The following LYRM4 variants were observed in gnomAD, a reference collection of about 807,000 sequenced individuals.
LYRM4 encodes the protein LYR motif containing 4.
Under a neutral mutation model 11.7 loss-of-function variants are expected in LYRM4, and 9 were observed. The ratio of observed to expected loss-of-function variants is 0.77; its 90% CI spans 0.46 to 1.34. The LOEUF (loss-of-function observed/expected upper bound fraction) is 1.34, where lower values mean the gene tolerates loss of function less well. Ranked by LOEUF, LYRM4 falls within the 40% of genes most tolerant of loss-of-function variation. The pLI, the probability that LYRM4 is intolerant of heterozygous loss-of-function variation, is 0.00. For missense variants in LYRM4, 133 were observed against 112.5 expected (o/e 1.18, Z -0.82); for synonymous variants, 42 against 40.4 (o/e 1.04, Z -0.15).
At chr6:5,155,754 C>T (rs1304000048) in intron 2 of LYRM4, among the ~76,000 whole-genome samples, 9 of 152,176 alleles carry the variant, frequency 5.9e-5, no homozygotes, top group African/African-American at 2.2e-4. Context: ...TGAAGGCTCA[C>T]ATGTTAATGT....
At chr6:5,133,788 C>T (rs1458925995) in intron 2 of LYRM4, among the ~76,000 whole-genome samples, 1 of 152,176 alleles carries the variant, frequency 6.6e-6, no homozygotes, top group African/African-American at 2.4e-5. Context: ...ATTTTCCCAG[C>T]CTCTGGCAAC....
the LYRM4 span, among the ~76,000 whole-genome samples, chr6:5,079,316 C>G: frequency 6.6e-6 from 1 of 152,192 alleles, no homozygotes; most frequent in Non-Finnish European, 1.5e-5. Context: ...TTTGTTTACA[C>G]AGATTCATCT....
chr6:5,042,158 A>G, the LYRM4 span, among the ~76,000 whole-genome samples: 3 of 152,210 alleles, frequency 2.0e-5, no homozygotes, highest in Admixed American at 6.5e-5. Context: ...TAATTGCGCA[A>G]TTCTGCTGTT....
In LYRM4 at chr6:5,129,143, G is replaced by A. The variant is rs983718086; in HGVS notation, c.208-19652C>T. ...CTTGATGGTGTGATCTTCGGACTGC[G>A]TCTACCTGCTCCCGCACTCAGCTGG... On this transcript the variant is annotated intron_variant, in intron 2 of 2. Coordinates refer to ENST00000330636, the MANE Select transcript of LYRM4 (RefSeq NM_020408.6). Among the ~76,000 whole-genome samples the A allele has an allele frequency of 7.2e-5, 11 of 152,208 alleles. No individual in the cohort carries two copies. The South Asian group carries it at 8.3e-4, about 11-fold the overall frequency.
At chr6:5,225,568 T>C (rs1381775313) in intron 1 of LYRM4, among the ~76,000 whole-genome samples, 1 of 152,236 alleles carries the variant, frequency 6.6e-6, no homozygotes, top group African/African-American at 2.4e-5. Context: ...AATGGTTATA[T>C]ACTATTGTAT....
At chr6:5,078,412 G>A in the LYRM4 span, among the ~76,000 whole-genome samples, 1 of 152,042 alleles carries the variant, frequency 6.6e-6, no homozygotes, top group Non-Finnish European at 1.5e-5. Flanking sequence ...CAGCCTCTAA[G>A]ACCTGTTGTT....
chr6:5,168,130 A>T (rs1759199543), intron 2 of LYRM4, among the ~76,000 whole-genome samples: 1 of 151,858 alleles, frequency 6.6e-6, no homozygotes, highest in African/African-American at 2.4e-5. Flanking sequence ...AACAAAAAAC[A>T]GTGGGAGAAG....
chr6:5,199,260 T>A (rs1191942788), intron 2 of LYRM4, among the ~76,000 whole-genome samples: 1 of 152,220 alleles, frequency 6.6e-6, no homozygotes, highest in Non-Finnish European at 1.5e-5. Flanking sequence ...ACAACATGGA[T>A]GAACCTTGCA....
chr6:5,194,185 A>G (rs912333516), intron 2 of LYRM4, among the ~76,000 whole-genome samples: 1 of 152,112 alleles, frequency 6.6e-6, no homozygotes. Flanking sequence ...CATACGCTCC[A>G]TTTGGGGATT....
At chr6:5,059,738 C>G in the LYRM4 span, among the ~76,000 whole-genome samples, 1 of 152,176 alleles carries the variant, frequency 6.6e-6, no homozygotes, top group Admixed American at 6.5e-5. Context: ...CATCTGTACC[C>G]CATTGCATGG....
intron 2 of LYRM4, among the ~76,000 whole-genome samples, chr6:5,127,556 C>T (rs1484067752): frequency 6.6e-6 from 1 of 152,028 alleles, no homozygotes; most frequent in Non-Finnish European, 1.5e-5. Context: ...TATGGCTGGT[C>T]CAAACAGAGA....
chr6:5,082,269 C>T, the LYRM4 span, among the ~76,000 whole-genome samples: 1 of 152,154 alleles, frequency 6.6e-6, no homozygotes, highest in African/African-American at 2.4e-5. Flanking sequence ...ACACTAGCTC[C>T]AGGTAGATAA....
intron 2 of LYRM4, among the ~76,000 whole-genome samples, chr6:5,147,219 T>A (rs1346411216): frequency 6.6e-6 from 1 of 152,208 alleles, no homozygotes; most frequent in Non-Finnish European, 1.5e-5. Context: ...AACCTGTATT[T>A]ATGTTTGATA....
chr6:5,195,977 T>C (rs949785990), intron 2 of LYRM4, among the ~76,000 whole-genome samples: 2 of 152,198 alleles, frequency 1.3e-5, no homozygotes, highest in Non-Finnish European at 2.9e-5. Context: ...ACCCTTATAT[T>C]GCACTTAGTA....
chr6:5,112,706 G>C (rs551016724), intron 2 of LYRM4, among the ~76,000 whole-genome samples: 3 of 152,124 alleles, frequency 2.0e-5, no homozygotes, highest in African/African-American at 7.2e-5. Context: ...GCTAGCATGA[G>C]GAGGGCACGC....
At chr6:5,231,051 T>C (rs992568974) in intron 1 of LYRM4, among the ~76,000 whole-genome samples, 4 of 152,300 alleles carry the variant, frequency 2.6e-5, no homozygotes, top group East Asian at 1.9e-4. Context: ...CTAAGGTAGA[T>C]GGATCATTTG....
At chr6:5,084,477 G>C in the LYRM4 span, 4 of 152,052 alleles carry the variant, frequency 2.6e-5, no homozygotes, top group Admixed American at 1.3e-4. Flanking sequence ...GGCCCCACGG[G>C]GCCCCCTCTC....
chr6:5,078,063 A>G, the LYRM4 span, among the ~76,000 whole-genome samples: 1 of 152,234 alleles, frequency 6.6e-6, no homozygotes, highest in African/African-American at 2.4e-5. Flanking sequence ...CAATGAGACA[A>G]GATTATGCAA....
intron 1 of LYRM4, among the ~76,000 whole-genome samples, chr6:5,254,201 G>C (rs1764566085): frequency 6.6e-6 from 1 of 152,192 alleles, no homozygotes; most frequent in African/African-American, 2.4e-5. Context: ...TTGACTGCAT[G>C]TCACAAAACC....
Sources: allele counts gnomAD v4.1 joint callset (sites outside exome capture counted in the v4.1 genomes callset), GRCh38; gene constraint gnomAD v4.1.1; transcripts MANE v1.5; gene names NCBI Gene and HGNC (gene_info 2026-07-23, HGNC 2026-07-21).